Variants in FAT3 observed in about 807,000 individuals in gnomAD.
FAT3 encodes FAT atypical cadherin 3.
FAT3 carries 95 observed loss-of-function variants against 310.2 expected under a neutral mutation model. The observed-to-expected ratio is 0.31, with a 90% CI of 0.26 to 0.36. The LOEUF is 0.36. Among genes scored for constraint, FAT3 ranks in the 10% least tolerant of loss-of-function variants. The pLI is 1.00. For synonymous variants in FAT3, 2,314 were observed against 2,192.9 expected, an observed-to-expected ratio of 1.06 and a Z score of -1.54; for missense variants, 5,408 against 5,715.6, an observed-to-expected ratio of 0.95 and a Z score of 1.74.
intron 2 of FAT3, among the ~76,000 whole-genome samples, chr11:92,497,287 G>C (rs950379428): frequency 1.3e-4 from 20 of 152,096 alleles, no homozygotes; most frequent in African/African-American, 4.8e-4. Context: ...TAGATAATGA[G>C]TTTGTATCAA....
chr11:92,587,224 C>T (rs1228161285), intron 3 of FAT3, among the ~76,000 whole-genome samples: 1 of 151,860 alleles, frequency 6.6e-6, no homozygotes, highest in African/African-American at 2.4e-5. Context: ...ACAGAAACCT[C>T]GATCTATAGA....
intron 4 of FAT3, among the ~76,000 whole-genome samples, chr11:92,747,151 T>A (rs1945695004): frequency 6.6e-6 from 1 of 152,182 alleles, no homozygotes; most frequent in South Asian, 2.1e-4. Flanking sequence ...GCAGAGGTTC[T>A]CCATGAGAGC....
intron 3 of FAT3, among the ~76,000 whole-genome samples, chr11:92,638,487 G>A (rs1941849402): frequency 6.6e-6 from 1 of 152,036 alleles, no homozygotes; most frequent in Non-Finnish European, 1.5e-5. Context: ...AAGCTGTATT[G>A]TGAATTTGGA....
chr11:92,827,924 C>G (rs144841146), intron 13 of FAT3, among the ~76,000 whole-genome samples: 5 of 152,312 alleles, frequency 3.3e-5, no homozygotes, highest in Admixed American at 1.3e-4. Flanking sequence ...AGTCACACTT[C>G]TCTTGGTAAC....
intron 3 of FAT3, among the ~76,000 whole-genome samples, chr11:92,557,456 C>T (rs1374638443): frequency 6.6e-6 from 1 of 152,184 alleles, no homozygotes; most frequent in Non-Finnish European, 1.5e-5. Context: ...TTTCGTGGTG[C>T]AGTGGCTCCA....
At chr11:92,388,288 C>G (rs2134798463) in intron 2 of FAT3, among the ~76,000 whole-genome samples, 1 of 152,220 alleles carries the variant, frequency 6.6e-6, no homozygotes, top group Middle Eastern at 3.4e-3. Context: ...TCCTTTCCCT[C>G]ACTCCCTTAC....
intron 11 of FAT3, 105 bp from the exon 12 acceptor site, chr11:92,806,257 T>C: frequency 9.4e-7 from 1 of 1,060,540 alleles, no homozygotes. Flanking sequence ...TAACAAAAGC[T>C]AAATTATATA....
chr11:92,495,292 A>G (rs953975499), intron 2 of FAT3, among the ~76,000 whole-genome samples: 1 of 152,076 alleles, frequency 6.6e-6, no homozygotes, highest in African/African-American at 2.4e-5. Flanking sequence ...ATCCAAGGTC[A>G]CACAGTTAAT....
At chr11:92,685,481 T>C (rs1371657226) in intron 3 of FAT3, among the ~76,000 whole-genome samples, 1 of 152,022 alleles carries the variant, frequency 6.6e-6, no homozygotes, top group Non-Finnish European at 1.5e-5. Context: ...AAATGAATAT[T>C]CCCATATGTA....
chr11:92,580,767 C>T (rs774333589), intron 3 of FAT3, among the ~76,000 whole-genome samples: 3 of 152,046 alleles, frequency 2.0e-5, no homozygotes, highest in Non-Finnish European at 2.9e-5. Flanking sequence ...CCACTTTTGC[C>T]ATTGTGGTCT....
At chr11:92,736,464 A>G (rs530166134) in intron 4 of FAT3, among the ~76,000 whole-genome samples, 1 of 152,292 alleles carries the variant, frequency 6.6e-6, no homozygotes, top group Non-Finnish European at 1.5e-5. Flanking sequence ...CAAAAGAGTG[A>G]AATTGAGTAG....
rs748318004 is a variant in FAT3, at chr11:92,524,676, G to A, written c.3335G>A (p.Gly1112Glu). The A allele has an allele frequency of 3.1e-6, 5 of 1,613,572 alleles. No homozygotes were observed. The Admixed American group carries it at 8.3e-5, about 27-fold the overall frequency. Reference sequence around the variant, plus strand: ...GACATTCTTGATCGGGAGACAATGGGGTCATACTGGCTAACAGTGTATGCC... The same window carrying A: ...GACATTCTTGATCGGGAGACAATGGAGTCATACTGGCTAACAGTGTATGCC... ...AADILDRETM[G>E]SYWLTVYATD... is the part of the protein sequence containing the mutation. The change falls in exon 3 of 28, where the codon GGG (glycine) becomes GAG (glutamate). Residue 1112 changes from glycine to glutamate, a missense_variant. This residue lies in a region of FAT3 where 4,588 missense variants were observed against 4,809.8 expected (regional missense o/e 0.95). Coordinates refer to ENST00000525166, the MANE Select transcript of FAT3 (RefSeq NM_001367949.2).
chr11:92,282,086 A>G (rs1042505672), intron 1 of FAT3, among the ~76,000 whole-genome samples: 2 of 151,986 alleles, frequency 1.3e-5, no homozygotes, highest in African/African-American at 4.8e-5. Flanking sequence ...TTGTATGTTT[A>G]GTAGAGATGG....
intron 3 of FAT3, among the ~76,000 whole-genome samples, chr11:92,670,708 A>G (rs550959539): frequency 6.6e-6 from 1 of 152,346 alleles, no homozygotes; most frequent in South Asian, 2.1e-4. Context: ...CATCTGCAAA[A>G]GAAATGGCTT....
chr11:92,226,044 C>G (rs1406325616), intron 1 of FAT3, among the ~76,000 whole-genome samples: 1 of 152,166 alleles, frequency 6.6e-6, no homozygotes, highest in African/African-American at 2.4e-5. Flanking sequence ...GAGCTCAGGC[C>G]CCACTCCCGG....
intron 1 of FAT3, among the ~76,000 whole-genome samples, chr11:92,343,431 G>A (rs1948323849): frequency 1.3e-5 from 2 of 152,080 alleles, no homozygotes; most frequent in South Asian, 4.1e-4. Flanking sequence ...GGGTAGACAA[G>A]CAGAGTTTTC....
Position 92,895,104 on chromosome 11 carries a change from T to G in FAT3, c.*3991T>G, listed in dbSNP as rs1950002442. 1 of 152,272 alleles carries G rather than the reference T, an allele frequency of 6.6e-6. No individual in the cohort carries two copies. The highest frequency in any genetic ancestry group is 2.1e-4 in the South Asian group (1 of 4,836). 9.4% of individuals were successfully genotyped at this position (152,272 alleles called of 1,614,324 possible). The stretch of plus-strand genomic sequence containing the variant: ...ATGGATTGTCCAGATAATTGGCTCT[T>G]CACTCCGCTGCCTTCCCAGTGCACA... On this transcript the variant is annotated 3_prime_UTR_variant, in exon 28 of 28. Coordinates refer to ENST00000525166, the MANE Select transcript of FAT3 (RefSeq NM_001367949.2).
intron 9 of FAT3, among the ~76,000 whole-genome samples, chr11:92,795,002 GCAAGATTT>G (rs1947132773): frequency 6.6e-6 from 1 of 152,184 alleles, no homozygotes; most frequent in South Asian, 2.1e-4. Flanking sequence ...CATCAGATAA[GCAAGATTT>G]CACTCTGTTT....
At chr11:92,678,969 A>G (rs532882451) in intron 3 of FAT3, among the ~76,000 whole-genome samples, 1 of 151,950 alleles carries the variant, frequency 6.6e-6, no homozygotes, top group Admixed American at 6.6e-5. Flanking sequence ...CACCCTTCTG[A>G]GTCTTCATTT....
Sources: gnomAD v4.1 joint callset for allele counts (sites outside exome capture counted in the v4.1 genomes callset) on GRCh38, gnomAD v4.1.1 for gene constraint, gnomAD v4.1.1 regional missense constraint, MANE v1.5 for transcripts, NCBI Gene and HGNC (gene_info 2026-07-23, HGNC 2026-07-21) for gene names.